Variants in EYA4 observed in about 807,000 individuals in gnomAD.
EYA4 encodes the protein protein phosphatase EYA4.
EYA4 carries 31 observed loss-of-function variants against 87.9 expected under a neutral mutation model. That is an observed-to-expected ratio of 0.35 (90% CI 0.27 to 0.48). The LOEUF (loss-of-function observed/expected upper bound fraction) is 0.48. Ranked by LOEUF, EYA4 falls within the 20% of genes least tolerant of loss-of-function variation. The pLI is 0.99. For synonymous variants in EYA4, 263 were observed against 270.6 expected (o/e 0.97, Z 0.28); for missense variants, 678 against 761.4 (o/e 0.89, Z 1.29).
chr6:133,403,463 C>T (rs1173360985), intron 3 of EYA4, among the ~76,000 whole-genome samples: 1 of 152,134 alleles, frequency 6.6e-6, no homozygotes, highest in Non-Finnish European at 1.5e-5. Flanking sequence ...GCTCTAAATG[C>T]CTGCTTTAAC....
intron 2 of EYA4, among the ~76,000 whole-genome samples, chr6:133,345,028 G>A (rs1166108325): frequency 6.6e-6 from 1 of 152,040 alleles, no homozygotes; most frequent in Admixed American, 6.6e-5. Flanking sequence ...TTATTTCTGA[G>A]AAAGGACTAG....
intron 2 of EYA4, among the ~76,000 whole-genome samples, chr6:133,299,925 CTCTATCTATCTATCTA>C (rs10588311): frequency 6.3e-5 from 9 of 142,648 alleles, no homozygotes; most frequent in Non-Finnish European, 9.1e-5. Flanking sequence ...ATATAAAGAT[CTCTATCTATCTATCTA>C]TCTATCTATC....
chr6:133,381,774 C>T (rs777328631), intron 2 of EYA4, among the ~76,000 whole-genome samples: 1 of 152,036 alleles, frequency 6.6e-6, no homozygotes. Flanking sequence ...TACTTTTGTC[C>T]AGAAATAGAT....
chr6:133,341,996 T>C (rs2128407655), intron 2 of EYA4, among the ~76,000 whole-genome samples: 1 of 152,294 alleles, frequency 6.6e-6, no homozygotes, highest in Admixed American at 6.5e-5. Context: ...CTGAATTGTC[T>C]CATAAATATC....
intron 2 of EYA4, among the ~76,000 whole-genome samples, chr6:133,285,159 G>T (rs1270756734): frequency 1.3e-5 from 2 of 151,546 alleles, no homozygotes; most frequent in Non-Finnish European, 2.9e-5. Flanking sequence ...ACCACGCCCG[G>T]CTAATTTTTT....
chr6:133,455,155 A>T (rs1793794917), intron 5 of EYA4, among the ~76,000 whole-genome samples: 4 of 152,322 alleles, frequency 2.6e-5, no homozygotes, highest in Non-Finnish European at 5.9e-5. Context: ...TGATAAAATG[A>T]TTTTATAATG....
At chr6:133,414,298 G>GA (rs1333471510) in intron 3 of EYA4, among the ~76,000 whole-genome samples, 6 of 151,236 alleles carry the variant, frequency 4.0e-5, no homozygotes, top group Admixed American at 3.3e-4. Flanking sequence ...TTTAGATTTC[G>GA]AAAAAAAAGG....
intron 1 of EYA4, among the ~76,000 whole-genome samples, chr6:133,253,874 C>A (rs556992664): frequency 1.3e-5 from 2 of 152,190 alleles, no homozygotes; most frequent in South Asian, 4.1e-4. Context: ...GAGATCATAT[C>A]TTTTTCCCTC....
intron 12 of EYA4, 61 bp from the exon 13 acceptor site, chr6:133,482,971 G>C: frequency 3.1e-6 from 4 of 1,290,276 alleles, no homozygotes; most frequent in Non-Finnish European, 4.5e-6. Context: ...TTTTCTGCTT[G>C]TAAAGAGATT....
chr6:133,293,004 C>T (rs1434573117), intron 2 of EYA4, among the ~76,000 whole-genome samples: 1 of 152,198 alleles, frequency 6.6e-6, no homozygotes, highest in East Asian at 1.9e-4. Flanking sequence ...GTTGGTCATT[C>T]GTTGGCCACT....
chr6:133,313,044 C>T (rs1780352573), intron 2 of EYA4, among the ~76,000 whole-genome samples: 1 of 152,080 alleles, frequency 6.6e-6, no homozygotes, highest in Non-Finnish European at 1.5e-5. Context: ...TCATTTTCTT[C>T]TTAGTAAGCA....
chr6:133,446,310 A>G (rs935844750), intron 3 of EYA4, among the ~76,000 whole-genome samples: 10 of 152,104 alleles, frequency 6.6e-5, no homozygotes, highest in Admixed American at 2.0e-4. Context: ...TTATTTTTAT[A>G]TGTCAGTGAT....
intron 2 of EYA4, among the ~76,000 whole-genome samples, chr6:133,359,283 T>C (rs1415436105): frequency 2.0e-5 from 3 of 152,198 alleles, no homozygotes; most frequent in Non-Finnish European, 2.9e-5. Context: ...CTTTGACCCC[T>C]AGTCCTAGGC....
intron 17 of EYA4, among the ~76,000 whole-genome samples, chr6:133,519,833 G>A (rs2128803412): frequency 6.7e-6 from 1 of 150,296 alleles, no homozygotes; most frequent in East Asian, 1.9e-4. Context: ...ATGCAAGGCT[G>A]GTTCAATATA....
chr6:133,465,691 C>G (rs1794780290), intron 10 of EYA4, among the ~76,000 whole-genome samples: 1 of 152,104 alleles, frequency 6.6e-6, no homozygotes, highest in Non-Finnish European at 1.5e-5. Context: ...TGGCAATACA[C>G]TATTTTACTT....
chr6:133,259,698 A>G (rs1313240453), intron 1 of EYA4, among the ~76,000 whole-genome samples: 1 of 152,224 alleles, frequency 6.6e-6, no homozygotes, highest in Non-Finnish European at 1.5e-5. Flanking sequence ...CAAATCAGTA[A>G]CTTGGCATTA....
At chr6:133,483,698 GTTATTATTATTATTATTATTA>G (rs71545064) in intron 13 of EYA4, among the ~76,000 whole-genome samples, 1 of 134,384 alleles carries the variant, frequency 7.4e-6, no homozygotes, top group Non-Finnish European at 1.6e-5. Flanking sequence ...TTATTTCATT[GTTATTATTATTATTATTATTA>G]TTATTATTAT....
At chr6:133,440,207 T>C (rs2128607919) in intron 3 of EYA4, among the ~76,000 whole-genome samples, 1 of 152,000 alleles carries the variant, frequency 6.6e-6, no homozygotes, top group South Asian at 2.1e-4. Context: ...CTTTTGAATA[T>C]ATTCTATAAT....
intron 4 of EYA4, among the ~76,000 whole-genome samples, chr6:133,447,371 T>C (rs1320820388): frequency 1.3e-5 from 2 of 152,192 alleles, no homozygotes; most frequent in African/African-American, 2.4e-5. Context: ...GATATTCTGC[T>C]TTATTATTTT....
Sources: allele counts gnomAD v4.1 joint callset (sites outside exome capture counted in the v4.1 genomes callset), GRCh38; gene constraint gnomAD v4.1.1; transcripts MANE v1.5; gene names NCBI Gene and HGNC (gene_info 2026-07-23, HGNC 2026-07-21).